TYW1: variants seen among roughly 807,000 people sequenced by gnomAD.
TYW1 encodes tRNA-yW synthesizing protein 1 homolog, also known as S-adenosyl-L-methionine-dependent tRNA 4-demethylwyosine synthase TYW1.
Under a neutral mutation model 96.2 loss-of-function variants are expected in TYW1, and 46 were observed. That is an observed-to-expected ratio of 0.48 (90% CI 0.38 to 0.61). The LOEUF is 0.61. Among genes scored for constraint, TYW1 ranks in the 20% least tolerant of loss-of-function variants. The pLI is 0.00. For synonymous variants in TYW1, 274 were observed against 323.0 expected, an observed-to-expected ratio of 0.85 and a Z score of 1.63; for missense variants, 684 against 909.6, an observed-to-expected ratio of 0.75 and a Z score of 3.19.
intron 10 of TYW1, 91 bp downstream of exon 10, chr7:67,067,494 T>G: frequency 7.1e-7 from 1 of 1,400,126 alleles, no homozygotes; most frequent in Non-Finnish European, 1.0e-6. Context: ...ACCTAAGAGC[T>G]CTGCTGTCTT....
chr7:66,998,819 C>T lies in TYW1; in HGVS notation c.138C>T (p.Gly46=), dbSNP rs760104514. The part of the protein sequence containing the change: ...ICVQIVIKTQ[G]KNLQEKSVPK... ...TTGTGTAATTATTTGTCTTCAAGGG[C>T]AAGAACTTACAGGAAAAATCTGTTC... The change falls in exon 3 of 16, where the codon GGC becomes GGT. Residue 46 remains glycine (G), a splice_region_variant and synonymous_variant. Coordinates refer to ENST00000359626, the MANE Select transcript of TYW1 (RefSeq NM_018264.4). The T allele has an allele frequency of 3.1e-6, 5 of 1,613,968 alleles. No homozygotes were observed. The Admixed American group carries it at 5.0e-5, about 16-fold the overall frequency.
intron 8 of TYW1, among the ~76,000 whole-genome samples, chr7:67,054,014 A>G (rs1486255861): frequency 2.0e-5 from 3 of 152,324 alleles, no homozygotes; most frequent in African/African-American, 4.8e-5. Flanking sequence ...ACAGTAAGCC[A>G]AGGTAATGGG....
chr7:67,174,598 GT>G (rs200441951), intron 13 of TYW1, among the ~76,000 whole-genome samples: 26,537 of 143,832 alleles, frequency 0.18, 2,471 homozygotes, highest in African/African-American at 0.24. Flanking sequence ...TACCCACAAT[GT>G]TTTTTTTTTT....
At position 67,212,672 on chromosome 7, in the gene TYW1, T is replaced by G. The variant is rs200778082; in HGVS notation, c.1977+17335T>G. Among the ~76,000 whole-genome samples the G allele has an allele frequency of 9.0e-3, 284 of 31,668 alleles. 1 individual carries two copies. Among genetic ancestry groups the G allele is most frequent in the African/African-American group, 0.032 (265 of 8,222 alleles). 20.8% of individuals were successfully genotyped at this position (31,668 alleles called of 152,430 possible). A position where few individuals can be genotyped will look rare whatever the true frequency, so the allele number is the denominator to read the frequency against. On this transcript the variant is annotated intron_variant, in intron 15 of 15. Transcript: ENST00000359626. ...TTTGGTGTATATCACGGTTTTTTTGTTTTTTTTTGTTTTTTTTGAGGTTTA... is the reference window on the plus strand; with the variant it reads ...TTTGGTGTATATCACGGTTTTTTTGGTTTTTTTTGTTTTTTTTGAGGTTTA...
intron 13 of TYW1, among the ~76,000 whole-genome samples, chr7:67,123,926 G>A (rs1303038971): frequency 6.6e-6 from 1 of 152,146 alleles, no homozygotes; most frequent in South Asian, 2.1e-4. Context: ...TTGTATAGAG[G>A]GATGAATGGG....
intron 11 of TYW1, among the ~76,000 whole-genome samples, chr7:67,084,847 T>G (rs900834536): frequency 7.2e-5 from 11 of 152,184 alleles, no homozygotes; most frequent in Admixed American, 2.0e-4. Context: ...GGTGTTGATG[T>G]TGTTCAACTG....
intron 3 of TYW1, among the ~76,000 whole-genome samples, chr7:67,007,635 T>C (rs769220540): frequency 6.6e-5 from 10 of 152,074 alleles, no homozygotes; most frequent in South Asian, 4.1e-4. Context: ...CCCAAATACC[T>C]TTTCTCTTTT....
chr7:67,135,952 T>C (rs1798241555), intron 13 of TYW1, among the ~76,000 whole-genome samples: 1 of 152,258 alleles, frequency 6.6e-6, no homozygotes, highest in Non-Finnish European at 1.5e-5. Context: ...AAACAACCTC[T>C]TACTAAATTC....
chr7:67,000,401 C>CAATT (rs1423651222), intron 3 of TYW1, among the ~76,000 whole-genome samples: 5 of 152,044 alleles, frequency 3.3e-5, no homozygotes, highest in African/African-American at 1.2e-4. Flanking sequence ...TGGGTTCGAG[C>CAATT]AATTCTCCTG....
At chr7:67,040,914 A>G (rs930140765) in intron 7 of TYW1, among the ~76,000 whole-genome samples, 8 of 152,140 alleles carry the variant, frequency 5.3e-5, no homozygotes, top group Non-Finnish European at 1.5e-5. Flanking sequence ...ATTTGTGGGT[A>G]TGTAATTTTC....
At chr7:67,002,666 G>A (rs1793442189) in intron 3 of TYW1, among the ~76,000 whole-genome samples, 2 of 151,678 alleles carry the variant, frequency 1.3e-5, no homozygotes, top group Middle Eastern at 3.4e-3. Flanking sequence ...TTGTTTTGAC[G>A]ATTTGTATGC....
rs182110283 is a variant in TYW1 at position 67,184,811 on chromosome 7, G to A, written c.1809+1575G>A. 3.5e-3 allele frequency among the ~76,000 whole-genome samples: 524 copies of A among 151,470 alleles called. 3 individuals are homozygous for A. Among genetic ancestry groups the A allele is most frequent in the Admixed American group, 0.016 (237 of 15,112 alleles). ...AAACCTCCGCCTCCCGGGTTCAAGC[G>A]ATTCTCCTCCCTCAGCCTCCCAAGT... On this transcript the variant is annotated intron_variant, in intron 14 of 15. Coordinates refer to ENST00000359626, the MANE Select transcript of TYW1 (RefSeq NM_018264.4).
In TYW1 at chr7:66,996,973, A is replaced by T. The variant is rs747317127; in HGVS notation, c.-6A>T. On this transcript the variant is annotated 5_prime_UTR_variant, in exon 1 of 16. Coordinates refer to ENST00000359626, the MANE Select transcript of TYW1 (RefSeq NM_018264.4). The stretch of plus-strand genomic sequence containing the variant: ...AGATCCTAGTCTCCTGTCGGCTCTG[A>T]GGAGGATGGGTAAGGGCACTCGGCG... 21 of 1,614,092 alleles carry T rather than the reference A, an allele frequency of 1.3e-5. No individual in the cohort carries two copies. Among genetic ancestry groups the T allele is most frequent in the Non-Finnish European group, 1.6e-5 (19 of 1,179,996 alleles).
In TYW1 at chr7:67,224,531, CAG is replaced by C. The variant is rs576949964; in HGVS notation, c.1978-13776_1978-13775del. 2.7e-4 allele frequency among the ~76,000 whole-genome samples: 41 copies of C among 152,360 alleles called. 1 individual carries two copies. In the South Asian group the frequency reaches 5.4e-3, roughly 20 times the overall value. ...GGCACAGTTTCCTTCTTACTGAACTCAGTGGTAAACTTAGCCTTCTTTTTTCT... is the reference window on the plus strand; with the variant it reads ...GGCACAGTTTCCTTCTTACTGAACTCTGGTAAACTTAGCCTTCTTTTTTCT... On this transcript the variant is annotated intron_variant, in intron 15 of 15. Coordinates refer to ENST00000359626, the MANE Select transcript of TYW1 (RefSeq NM_018264.4).
At chr7:67,034,151 C>T (rs908941515) in intron 7 of TYW1, among the ~76,000 whole-genome samples, 20 of 149,440 alleles carry the variant, frequency 1.3e-4, no homozygotes, top group East Asian at 2.0e-4. Context: ...TTGCCCAGGC[C>T]GGAGTGCAGT....
rs192078518 is a variant in TYW1, at chr7:67,086,307, T to G, written c.1384+2768T>G. On this transcript the variant is annotated intron_variant, in intron 11 of 15. Coordinates refer to ENST00000359626, the MANE Select transcript of TYW1 (RefSeq NM_018264.4). ...TTCCTAGACTCATTGTTGGTTTAGT[T>G]AATAATTGATTGTTGATCTTCAAGT... Among the ~76,000 whole-genome samples the G allele has an allele frequency of 3.3e-5, 5 of 152,316 alleles. No homozygotes were observed. In the East Asian group the frequency reaches 9.6e-4, roughly 29 times the overall value.
At chr7:67,068,637 A>G (rs1014076529) in intron 10 of TYW1, among the ~76,000 whole-genome samples, 5 of 152,010 alleles carry the variant, frequency 3.3e-5, no homozygotes, top group African/African-American at 7.3e-5. Context: ...GCTGTCTTTT[A>G]TGACTCTGTG....
intron 15 of TYW1, among the ~76,000 whole-genome samples, chr7:67,202,199 T>C (rs1268416517): frequency 2.0e-5 from 3 of 152,210 alleles, no homozygotes; most frequent in Admixed American, 2.0e-4. Context: ...TCATGGCCTC[T>C]GTATTCTTAT....
intron 10 of TYW1, among the ~76,000 whole-genome samples, chr7:67,081,074 G>T (rs910415527): frequency 2.7e-5 from 4 of 148,926 alleles, no homozygotes; most frequent in Non-Finnish European, 5.9e-5. Context: ...TTTCATGATG[G>T]TAATTATTCT....
Sources: allele counts gnomAD v4.1 joint callset (sites outside exome capture counted in the v4.1 genomes callset), GRCh38; gene constraint gnomAD v4.1.1; transcripts MANE v1.5; gene names NCBI Gene and HGNC (gene_info 2026-07-23, HGNC 2026-07-21).